Variants in NXPE2 observed in about 807,000 individuals in gnomAD.
The protein encoded by NXPE2 is NXPE family member 2.
In NXPE2, 34 loss-of-function variants were observed where a neutral mutation model predicts 34.4. That is an observed-to-expected ratio of 0.99 (90% CI 0.75 to 1.31). The LOEUF is 1.31. NXPE2 is among the 40% of genes most tolerant of loss of function. NXPE2 has a pLI of 0.00. For synonymous variants in NXPE2, 235 were observed against 231.3 expected (o/e 1.02, Z -0.15); for missense variants, 649 against 672.5 (o/e 0.97, Z 0.39).
the NXPE2 span, among the ~76,000 whole-genome samples, chr11:114,658,104 G>A: frequency 4.1e-3 from 623 of 152,068 alleles, 2 homozygotes; most frequent in Middle Eastern, 0.044. Context: ...CATCAATCCC[G>A]TCATAAAAAA....
the NXPE2 span, among the ~76,000 whole-genome samples, chr11:114,751,384 A>G: frequency 6.6e-6 from 1 of 152,218 alleles, no homozygotes; most frequent in Non-Finnish European, 1.5e-5. Flanking sequence ...CACTAATTCA[A>G]CAGACATTTA....
upstream of NXPE2, among the ~76,000 whole-genome samples, chr11:114,673,528 C>A (rs555360496): frequency 6.4e-4 from 96 of 150,098 alleles, 1 homozygote; most frequent in African/African-American, 2.1e-3. Context: ...TCATTGAAAC[C>A]AAAAAAAAGT....
the NXPE2 span, among the ~76,000 whole-genome samples, chr11:114,783,041 C>T: frequency 2.6e-5 from 4 of 152,068 alleles, no homozygotes; most frequent in African/African-American, 7.2e-5. Flanking sequence ...TAAGATAGCA[C>T]GGGGCTAAAG....
chr11:114,658,295 T>C, the NXPE2 span, among the ~76,000 whole-genome samples: 5 of 152,142 alleles, frequency 3.3e-5, no homozygotes, highest in African/African-American at 1.2e-4. Flanking sequence ...GTAAGAAGAA[T>C]TTGGCTAAAT....
At chr11:114,762,391 G>A in the NXPE2 span, among the ~76,000 whole-genome samples, 1 of 152,158 alleles carries the variant, frequency 6.6e-6, no homozygotes, top group African/African-American at 2.4e-5. Flanking sequence ...CAGTCTGTGA[G>A]GCAATGAGGC....
chr11:114,627,695 A>C, the NXPE2 span, among the ~76,000 whole-genome samples: 2 of 152,106 alleles, frequency 1.3e-5, no homozygotes, highest in Non-Finnish European at 2.9e-5. Context: ...TAAATGGACT[A>C]AATGCTCCAA....
the NXPE2 span, chr11:114,530,731 T>G: frequency 6.2e-7 from 1 of 1,614,198 alleles, no homozygotes; most frequent in Non-Finnish European, 8.5e-7. Context: ...GTGGTGGTGT[T>G]CACATGGGTG....
At chr11:114,717,615 G>GA in the NXPE2 span, among the ~76,000 whole-genome samples, 1 of 152,148 alleles carries the variant, frequency 6.6e-6, no homozygotes, top group African/African-American at 2.4e-5. Context: ...TTACATTTGC[G>GA]AACCTAAGAT....
At chr11:114,497,283 T>C in the NXPE2 span, among the ~76,000 whole-genome samples, 1 of 152,184 alleles carries the variant, frequency 6.6e-6, no homozygotes, top group African/African-American at 2.4e-5. Context: ...AGAAAGCTTA[T>C]AAAGATATAA....
the NXPE2 span, among the ~76,000 whole-genome samples, chr11:114,474,800 A>G: frequency 1.9e-3 from 290 of 152,312 alleles, no homozygotes; most frequent in African/African-American, 6.8e-3. Context: ...TATTTTGTTT[A>G]ATGAGGAATA....
At chr11:114,538,067 G>A in the NXPE2 span, among the ~76,000 whole-genome samples, 1 of 152,110 alleles carries the variant, frequency 6.6e-6, no homozygotes, top group Admixed American at 6.5e-5. Flanking sequence ...CATGGTACTG[G>A]TACCAAAACA....
At chr11:114,482,191 A>C in the NXPE2 span, among the ~76,000 whole-genome samples, 1 of 152,154 alleles carries the variant, frequency 6.6e-6, no homozygotes, top group Non-Finnish European at 1.5e-5. Flanking sequence ...TCCTGCTCTT[A>C]AGTAGTTCAC....
the NXPE2 span, among the ~76,000 whole-genome samples, chr11:114,495,581 G>C: frequency 6.6e-6 from 1 of 151,674 alleles, no homozygotes; most frequent in Non-Finnish European, 1.5e-5. Flanking sequence ...AGCAGAAGCA[G>C]TATCTTCCTA....
At chr11:114,582,753 T>G in the NXPE2 span, 1 of 1,614,080 alleles carries the variant, frequency 6.2e-7, no homozygotes, top group South Asian at 1.1e-5. Context: ...GTCCCTCACC[T>G]CCAGCAGGAT....
At chr11:114,716,050 C>G in the NXPE2 span, among the ~76,000 whole-genome samples, 1 of 152,136 alleles carries the variant, frequency 6.6e-6, no homozygotes, top group Admixed American at 6.5e-5. Context: ...ATTTAGGAAC[C>G]ACAACCTAAA....
chr11:114,652,500 G>A, the NXPE2 span, among the ~76,000 whole-genome samples: 2 of 152,092 alleles, frequency 1.3e-5, no homozygotes, highest in African/African-American at 2.4e-5. Context: ...TATATAATGA[G>A]GATTATGATG....
At chr11:114,513,831 TG>T in the NXPE2 span, among the ~76,000 whole-genome samples, 1 of 152,000 alleles carries the variant, frequency 6.6e-6, no homozygotes, top group Non-Finnish European at 1.5e-5. Flanking sequence ...AAAATCATAA[TG>T]AAAAAATTAA....
chr11:114,735,404 A>T, the NXPE2 span, among the ~76,000 whole-genome samples: 2 of 152,104 alleles, frequency 1.3e-5, no homozygotes, highest in African/African-American at 2.4e-5. Context: ...TCTCAAATAA[A>T]CCAGGTTTAG....
chr11:114,732,976 T>C, the NXPE2 span, among the ~76,000 whole-genome samples: 2 of 152,232 alleles, frequency 1.3e-5, no homozygotes, highest in East Asian at 3.9e-4. Context: ...ACTCTGAGGC[T>C]ATTACTTTGA....
Sources: allele counts gnomAD v4.1 joint callset (sites outside exome capture counted in the v4.1 genomes callset), GRCh38; gene constraint gnomAD v4.1.1; transcripts MANE v1.5; gene names NCBI Gene and HGNC (gene_info 2026-07-23, HGNC 2026-07-21).